PLXDC1: variants seen among roughly 807,000 people sequenced by gnomAD.
PLXDC1 encodes the protein plexin domain containing 1.
A neutral mutation model predicts 61.3 loss-of-function variants in PLXDC1; 39 were observed. The ratio of observed to expected loss-of-function variants is 0.64; its 90% CI spans 0.49 to 0.83. PLXDC1 has a LOEUF of 0.83. Ranked by LOEUF, PLXDC1 falls within the 40% of genes least tolerant of loss-of-function variation. PLXDC1 has a pLI of 0.00. For synonymous variants in PLXDC1, 212 were observed against 254.5 expected (o/e 0.83, Z 1.59); for missense variants, 596 against 666.5 (o/e 0.89, Z 1.17).
rs947159376 is a variant in PLXDC1 at position 39,065,599 on chromosome 17, C to T, written c.*2241G>A. 3.3e-5 allele frequency: 5 copies of T among 152,172 alleles called. No homozygotes were observed. The highest frequency in any genetic ancestry group is 1.2e-4 in the African/African-American group (5 of 41,382). 9.4% of individuals were successfully genotyped at this position (152,172 alleles called of 1,614,324 possible). ...TGTTGTTGCCCAAGCTGGTCTCAAA[C>T]CCCTGGGCTCAAGCAACCCTCCCAC... On this transcript the variant is annotated 3_prime_UTR_variant, in exon 14 of 14. Coordinates refer to ENST00000315392, the MANE Select transcript of PLXDC1 (RefSeq NM_020405.5).
At chr17:39,133,064 T>C (rs918587794) in intron 2 of PLXDC1, among the ~76,000 whole-genome samples, 1 of 152,126 alleles carries the variant, frequency 6.6e-6, no homozygotes, top group African/African-American at 2.4e-5. Context: ...CAACCCATCA[T>C]CTAGATGAGA....
At chr17:39,125,195 C>T (rs1055414036) in intron 2 of PLXDC1, among the ~76,000 whole-genome samples, 1 of 152,184 alleles carries the variant, frequency 6.6e-6, no homozygotes, top group African/African-American at 2.4e-5. Context: ...ATAGCCAAAC[C>T]TCAGGTTGAA....
chr17:39,152,365 A>G (rs3025193), upstream of PLXDC1: 24,626 of 493,866 alleles, frequency 0.05, 964 homozygotes, highest in African/African-American at 0.15. Flanking sequence ...CTTCAGAGCC[A>G]GCCCCAGACG....
At chr17:39,084,094 A>T (rs937650127) in intron 8 of PLXDC1, among the ~76,000 whole-genome samples, 15 of 152,222 alleles carry the variant, frequency 9.9e-5, no homozygotes, top group African/African-American at 3.6e-4. Context: ...TATGACGGCA[A>T]ATCACAAGGT....
chr17:39,139,961 T>A, intron 1 of PLXDC1, 129 bp from the exon 2 acceptor site: 1 of 899,618 alleles, frequency 1.1e-6, no homozygotes, highest in South Asian at 1.8e-5. Flanking sequence ...CTTGACTGAC[T>A]ACCAGGACAG....
At position 39,120,809 on chromosome 17, in the gene PLXDC1, G is replaced by T. The variant is rs377226726; in HGVS notation, c.256-11418C>A. On this transcript the variant is annotated intron_variant, in intron 2 of 13. Coordinates refer to ENST00000315392, the MANE Select transcript of PLXDC1 (RefSeq NM_020405.5). ...ACAGAGTTTTGCTCCTGTTGCCCAG[G>T]GTGGAGTGCAATAGCACAATCTCGG... Among the ~76,000 whole-genome samples, 245 of 150,388 alleles carry T rather than the reference G, an allele frequency of 1.6e-3. 9 individuals carry two copies. In the South Asian group the frequency reaches 0.048, roughly 30 times the overall value.
At chr17:39,099,990 A>C (rs749773891) in intron 7 of PLXDC1, among the ~76,000 whole-genome samples, 2 of 152,170 alleles carry the variant, frequency 1.3e-5, no homozygotes, top group Non-Finnish European at 2.9e-5. Context: ...AAATTAAGCT[A>C]TAAAAAGACC....
At chr17:39,094,259 C>A (rs1910060985) in intron 7 of PLXDC1, among the ~76,000 whole-genome samples, 1 of 152,092 alleles carries the variant, frequency 6.6e-6, no homozygotes, top group Admixed American at 6.5e-5. Context: ...ACCATCCCCA[C>A]TCATTACTCC....
In PLXDC1 at chr17:39,108,890, C is replaced by A; in HGVS notation, c.469+14G>T. On this transcript the variant is annotated intron_variant, in intron 4 of 13. Transcript: ENST00000315392. ...TCTCCAGACTCTCCCCGGGGCCCCA[C>A]GACGTGGCCTTACCTCCAGTTGCTA... 6.2e-7 allele frequency: 1 copy of A among 1,605,996 alleles called. No individual in the cohort carries two copies. Among genetic ancestry groups the A allele is most frequent in the Non-Finnish European group, 8.5e-7 (1 of 1,173,570 alleles).
Position 39,067,822 on chromosome 17 carries a change from A to G in PLXDC1, c.*18T>C. ...TTTTCTGTGGCCTCAAAGTCTTCAA[A>G]GGGGAGACTTGGTGTTCTCAGCACT... On this transcript the variant is annotated 3_prime_UTR_variant, in exon 14 of 14. Transcript: ENST00000315392. The G allele has an allele frequency of 1.2e-6, 2 of 1,602,810 alleles. No homozygotes were observed. Among genetic ancestry groups the G allele is most frequent in the South Asian group, 1.1e-5 (1 of 90,250 alleles).
At chr17:39,146,319 C>T (rs1166033745) in intron 1 of PLXDC1, among the ~76,000 whole-genome samples, 1 of 152,074 alleles carries the variant, frequency 6.6e-6, no homozygotes, top group Admixed American at 6.5e-5. Flanking sequence ...GATGCTCCCG[C>T]CTTGGCCTCC....
intron 2 of PLXDC1, among the ~76,000 whole-genome samples, chr17:39,138,476 G>A (rs539163915): frequency 4.6e-5 from 7 of 152,340 alleles, no homozygotes; most frequent in African/African-American, 1.7e-4. Context: ...CAGGGTGAAA[G>A]GTTGCTCAGC....
rs184770071 is a variant in PLXDC1, at chr17:39,151,615, T to G, written c.-178A>C. On this transcript the variant is annotated 5_prime_UTR_variant, in exon 1 of 14. Transcript: ENST00000315392. The surrounding 1 kb of genome is among the most constrained non-coding windows in gnomAD (Gnocchi z 5.2). ...GGAGCGGCGAGAGCGCGAGCGGAGCTGGAGGCTGCGGCCTCCGGGAGCAGG... is the reference window on the plus strand; with the variant it reads ...GGAGCGGCGAGAGCGCGAGCGGAGCGGGAGGCTGCGGCCTCCGGGAGCAGG... 0.086 allele frequency: 90,946 copies of G among 1,055,474 alleles called. 4,077 individuals carry two copies. The highest frequency in any genetic ancestry group is 0.18 in the East Asian group (3,014 of 17,026). The allele number at this position is 1,055,474 out of a possible 1,614,324, so 65.4% of individuals were successfully genotyped here.
intron 11 of PLXDC1, among the ~76,000 whole-genome samples, chr17:39,075,919 A>T (rs1383311881): frequency 1.3e-5 from 2 of 152,110 alleles, no homozygotes; most frequent in Admixed American, 1.3e-4. Context: ...CTCTACTAAA[A>T]ATACAAAAAT....
At chr17:39,081,041 A>G (rs1379295610) in intron 9 of PLXDC1, 1 of 152,850 alleles carries the variant, frequency 6.5e-6, no homozygotes, top group Non-Finnish European at 1.5e-5. Flanking sequence ...ATCTGAGGCC[A>G]TCTCTCCATT....
chr17:39,121,046 G>T (rs576405072), intron 2 of PLXDC1, among the ~76,000 whole-genome samples: 1 of 151,796 alleles, frequency 6.6e-6, no homozygotes, highest in African/African-American at 2.4e-5. Context: ...TCACCATGTT[G>T]CCCAGTCTGG....
chr17:39,099,223 C>T (rs955521700), intron 7 of PLXDC1, among the ~76,000 whole-genome samples: 25 of 152,112 alleles, frequency 1.6e-4, no homozygotes, highest in East Asian at 7.7e-4. Context: ...GTGGGTTGTG[C>T]TTCCCCGCCC....
In PLXDC1 at chr17:39,063,434, G is replaced by A. The variant is rs1001215462; in HGVS notation, c.*4406C>T. ...GGTTTCTTTTTAGGCTGTTTCTCTT[G>A]GAGGTGGTGCAGGAGGTTGAGGAAA... On this transcript the variant is annotated 3_prime_UTR_variant, in exon 14 of 14. Coordinates refer to ENST00000315392, the MANE Select transcript of PLXDC1 (RefSeq NM_020405.5). The A allele has an allele frequency of 2.4e-5, 17 of 702,496 alleles. No homozygotes were observed. The highest frequency in any genetic ancestry group is 6.0e-5 in the Admixed American group (3 of 49,858). The allele number at this position is 702,496 out of a possible 1,614,324, so 43.5% of individuals were successfully genotyped here. A position where few individuals can be genotyped will look rare whatever the true frequency, so the allele number is the denominator to read the frequency against.
intron 2 of PLXDC1, among the ~76,000 whole-genome samples, chr17:39,128,099 ATATATATATATATATG>A (rs1567769523): frequency 7.6e-5 from 7 of 92,174 alleles, no homozygotes; most frequent in African/African-American, 3.2e-4. Flanking sequence ...CTCTATGTGT[ATATATATATATATATG>A]TATATATATA....
Sources: allele counts gnomAD v4.1 joint callset (sites outside exome capture counted in the v4.1 genomes callset), GRCh38; gene constraint gnomAD v4.1.1; non-coding constraint Gnocchi (gnomAD v3.1); transcripts MANE v1.5; gene names NCBI Gene and HGNC (gene_info 2026-07-23, HGNC 2026-07-21).